GALNTL6: variants seen among roughly 807,000 people sequenced by gnomAD.
GALNTL6 encodes polypeptide N-acetylgalactosaminyltransferase-like 6.
Under a neutral mutation model 73.7 loss-of-function variants are expected in GALNTL6, and 46 were observed. The observed-to-expected ratio is 0.62, with a 90% CI of 0.49 to 0.80. The LOEUF is 0.80. GALNTL6 is among the 30% of genes least tolerant of loss of function. The pLI, the probability that GALNTL6 is intolerant of heterozygous loss-of-function variation, is 0.00. For missense variants in GALNTL6, 604 were observed against 755.0 expected, an observed-to-expected ratio of 0.80 and a Z score of 2.34; for synonymous variants, 259 against 263.7, an observed-to-expected ratio of 0.98 and a Z score of 0.17.
intron 5 of GALNTL6, among the ~76,000 whole-genome samples, chr4:172,415,803 G>A (rs779990156): frequency 6.6e-6 from 1 of 152,074 alleles, no homozygotes; most frequent in Non-Finnish European, 1.5e-5. Flanking sequence ...CGTGACCGGG[G>A]GCTGCCTGCA....
At chr4:172,447,672 A>G (rs1309312632) in intron 5 of GALNTL6, among the ~76,000 whole-genome samples, 1 of 152,196 alleles carries the variant, frequency 6.6e-6, no homozygotes, top group African/African-American at 2.4e-5. Context: ...ATGGCCCTAT[A>G]CATCGTACTG....
intron 5 of GALNTL6, among the ~76,000 whole-genome samples, chr4:172,427,128 A>T (rs1395118947): frequency 6.6e-6 from 1 of 152,106 alleles, no homozygotes; most frequent in African/African-American, 2.4e-5. Flanking sequence ...TATAAGAGAG[A>T]GAAGAAAAGG....
chr4:172,358,601 G>GTGGC (rs1037614897), intron 5 of GALNTL6, among the ~76,000 whole-genome samples: 1 of 152,070 alleles, frequency 6.6e-6, no homozygotes, highest in African/African-American at 2.4e-5. Context: ...TTCTTCCAGT[G>GTGGC]TGGCCCAGGG....
intron 4 of GALNTL6, among the ~76,000 whole-genome samples, chr4:172,317,055 C>A (rs1740586719): frequency 6.6e-6 from 1 of 152,076 alleles, no homozygotes; most frequent in African/African-American, 2.4e-5. Context: ...ACTGTCCTGC[C>A]ACATGGGAAC....
chr4:172,938,558 G>A (rs1748746473), intron 9 of GALNTL6, among the ~76,000 whole-genome samples: 1 of 152,214 alleles, frequency 6.6e-6, no homozygotes, highest in African/African-American at 2.4e-5. Flanking sequence ...GTATGGTGGT[G>A]ATGAATGGGA....
chr4:172,962,079 T>C (rs1480977349), intron 10 of GALNTL6, among the ~76,000 whole-genome samples: 1 of 152,184 alleles, frequency 6.6e-6, no homozygotes, highest in Non-Finnish European at 1.5e-5. Context: ...GGGAGGGTTG[T>C]TCTCTGGCTG....
intron 4 of GALNTL6, among the ~76,000 whole-genome samples, chr4:172,336,970 GTTGAA>G (rs1251304047): frequency 6.6e-6 from 1 of 152,062 alleles, no homozygotes; most frequent in Admixed American, 6.6e-5. Flanking sequence ...AAGTATTATT[GTTGAA>G]TTGAAGTCTT....
intron 2 of GALNTL6, among the ~76,000 whole-genome samples, chr4:172,132,049 A>C (rs991454465): frequency 5.3e-5 from 8 of 152,088 alleles, no homozygotes; most frequent in African/African-American, 1.9e-4. Flanking sequence ...AGAAAACAAA[A>C]GATGATTTTA....
chr4:172,785,778 G>A lies in GALNTL6; in HGVS notation c.554-23583G>A, dbSNP rs139609308. Among the ~76,000 whole-genome samples, 133 of 152,256 alleles carry A rather than the reference G, an allele frequency of 8.7e-4. 1 individual carries two copies. The East Asian group carries it at 0.025, about 28-fold the overall frequency. On this transcript the variant is annotated intron_variant, in intron 5 of 12. Transcript: ENST00000506823. ...AGAGAAATTTATTGTAAAGTCTTAT[G>A]CAGAAGGCATTAATCATCCCCAATC...
chr4:172,106,691 T>G (rs1374098233), intron 2 of GALNTL6, among the ~76,000 whole-genome samples: 1 of 152,152 alleles, frequency 6.6e-6, no homozygotes, highest in African/African-American at 2.4e-5. Context: ...TGTGAAGTAT[T>G]GGAGCAGTAC....
chr4:171,962,769 T>TTTTC (rs1227082586), intron 2 of GALNTL6, among the ~76,000 whole-genome samples: 1 of 139,490 alleles, frequency 7.2e-6, no homozygotes, highest in African/African-American at 2.7e-5. Flanking sequence ...CTTTTACTTT[T>TTTTC]TTTTTTTTTT....
At chr4:171,856,793 T>C (rs560758539) in intron 2 of GALNTL6, among the ~76,000 whole-genome samples, 1 of 152,366 alleles carries the variant, frequency 6.6e-6, no homozygotes, top group Non-Finnish European at 1.5e-5. Flanking sequence ...GATTGATTTG[T>C]ATAGAATAAT....
chr4:172,306,853 C>T (rs1740158270), intron 3 of GALNTL6, among the ~76,000 whole-genome samples: 1 of 152,136 alleles, frequency 6.6e-6, no homozygotes, highest in Non-Finnish European at 1.5e-5. Context: ...TTTCTTTACA[C>T]ACTCATTGGT....
At chr4:172,095,963 C>A (rs1401167148) in intron 2 of GALNTL6, among the ~76,000 whole-genome samples, 1 of 151,052 alleles carries the variant, frequency 6.6e-6, no homozygotes, top group East Asian at 1.9e-4. Context: ...TATTTTTTCC[C>A]ATTTTTCTTT....
chr4:172,490,612 A>T (rs1454185895), intron 5 of GALNTL6, among the ~76,000 whole-genome samples: 1 of 152,198 alleles, frequency 6.6e-6, no homozygotes, highest in Non-Finnish European at 1.5e-5. Context: ...TTATATAATA[A>T]CTACAAAATA....
intron 8 of GALNTL6, among the ~76,000 whole-genome samples, chr4:172,926,809 T>C (rs562107321): frequency 2.8e-4 from 42 of 152,338 alleles, no homozygotes; most frequent in Admixed American, 8.5e-4. Flanking sequence ...GCTGTCTAAT[T>C]ACTTTTAAAT....
At chr4:172,330,999 A>T (rs954526608) in intron 4 of GALNTL6, among the ~76,000 whole-genome samples, 1 of 152,026 alleles carries the variant, frequency 6.6e-6, no homozygotes, top group Admixed American at 6.6e-5. Context: ...TTGCATTTGG[A>T]TATTTTAAAT....
At chr4:172,873,299 G>T (rs982240954) in intron 7 of GALNTL6, among the ~76,000 whole-genome samples, 17 of 152,214 alleles carry the variant, frequency 1.1e-4, no homozygotes, top group Non-Finnish European at 2.4e-4. Context: ...AACATTCAGT[G>T]CTTCCTCCTA....
At position 172,931,212 on chromosome 4, in the gene GALNTL6, C is replaced by A; in HGVS notation, c.1093C>A (p.His365Asn). The change falls in exon 9 of 13, where the codon CAT becomes AAT. Residue 365 changes from histidine to asparagine, a missense_variant. This residue lies in a region of GALNTL6 where 14 missense variants were observed against 40.8 expected (regional missense o/e 0.34). Coordinates refer to ENST00000506823, the MANE Select transcript of GALNTL6 (RefSeq NM_001034845.3). ...TGATGTTCCATGTTCTAGAGTTGGT[C>A]ATATCTACAGGAAGTACGTTCCATA... ...MFDVPCSRVG[H>N]IYRKYVPYKV... is the part of the protein sequence containing the mutation. 4 of 1,612,680 alleles carry A rather than the reference C, an allele frequency of 2.5e-6. No individual in the cohort carries two copies. The highest frequency in any genetic ancestry group is 1.1e-5 in the South Asian group (1 of 91,034).
Sources: gnomAD v4.1 joint callset for allele counts (sites outside exome capture counted in the v4.1 genomes callset) on GRCh38, gnomAD v4.1.1 for gene constraint, gnomAD v4.1.1 regional missense constraint, MANE v1.5 for transcripts, NCBI Gene and HGNC (gene_info 2026-07-23, HGNC 2026-07-21) for gene names.